The following TRMT10B variants were observed in gnomAD, a reference collection of about 807,000 sequenced individuals.
The protein encoded by TRMT10B is tRNA methyltransferase 10 homolog B.
Under a neutral mutation model 43.8 loss-of-function variants are expected in TRMT10B, and 33 were observed. That is an observed-to-expected ratio of 0.75 (90% CI 0.57 to 1.01). The LOEUF is 1.01. Among genes scored for constraint, TRMT10B ranks in the 50% least tolerant of loss-of-function variants. TRMT10B has a pLI of 0.00. For synonymous variants in TRMT10B, 137 were observed against 130.6 expected, an observed-to-expected ratio of 1.05 and a Z score of -0.34; for missense variants, 362 against 369.8, an observed-to-expected ratio of 0.98 and a Z score of 0.17.
At chr9:37,756,403 TTTTG>T (rs1476247734) in intron 1 of TRMT10B, among the ~76,000 whole-genome samples, 5 of 134,332 alleles carry the variant, frequency 3.7e-5, no homozygotes, top group Non-Finnish European at 6.6e-5. Flanking sequence ...TCTAGATATC[TTTTG>T]TTTAAAAAAA....
At chr9:37,774,862 GACTAGCTTAGA>G (rs755607806) in intron 7 of TRMT10B, among the ~76,000 whole-genome samples, 5 of 152,166 alleles carry the variant, frequency 3.3e-5, no homozygotes, top group Non-Finnish European at 5.9e-5. Flanking sequence ...AATGATACTG[GACTAGCTTAGA>G]ACAAGTTCAA....
At chr9:37,763,549 C>T in intron 3 of TRMT10B, 80 bp from the exon 4 acceptor site, 1 of 1,265,180 alleles carries the variant, frequency 7.9e-7, no homozygotes, top group Non-Finnish European at 1.1e-6. Flanking sequence ...ATGCAAAATA[C>T]CCACCTGGCT....
At chr9:37,752,906 C>T (rs1367324805), upstream of TRMT10B, among the ~76,000 whole-genome samples, 2 of 152,152 alleles carry the variant, frequency 1.3e-5, no homozygotes, top group Non-Finnish European at 2.9e-5. Flanking sequence ...GCAGCGGCAA[C>T]CCGTTGGGGT....
intron 1 of TRMT10B, among the ~76,000 whole-genome samples, chr9:37,758,707 T>C (rs193224551): frequency 6.6e-6 from 1 of 152,228 alleles, no homozygotes; most frequent in Non-Finnish European, 1.5e-5. Context: ...GAATGGGTAT[T>C]GGACTTACCT....
chr9:37,770,766 C>A, intron 7 of TRMT10B, 27 bp downstream of exon 7: 2 of 1,611,494 alleles, frequency 1.2e-6, no homozygotes, highest in Non-Finnish European at 1.7e-6. Context: ...GCCCCAACAT[C>A]TGTTTTAAAA....
upstream of TRMT10B, among the ~76,000 whole-genome samples, chr9:37,753,642 C>T (rs1323231188): frequency 1.3e-5 from 2 of 152,354 alleles, no homozygotes; most frequent in Admixed American, 6.5e-5. Context: ...AGAAGGTGGG[C>T]AACCACCACA....
chr9:37,753,545 C>T (rs976346309), upstream of TRMT10B, among the ~76,000 whole-genome samples: 2 of 152,140 alleles, frequency 1.3e-5, no homozygotes, highest in Non-Finnish European at 2.9e-5. Context: ...CCTTGACAAC[C>T]AACAGAGCAC....
intron 1 of TRMT10B, among the ~76,000 whole-genome samples, chr9:37,755,039 G>T (rs1360655645): frequency 6.6e-6 from 1 of 152,140 alleles, no homozygotes; most frequent in Non-Finnish European, 1.5e-5. Context: ...GGGAGGCCCA[G>T]ACAGGTGGGT....
At position 37,762,633 on chromosome 9, in the gene TRMT10B, C is replaced by T. The variant is rs1325523751; in HGVS notation, c.243C>T (p.Ser81=). 1 of 1,596,900 alleles carries T rather than the reference C, an allele frequency of 6.3e-7. No homozygotes were observed. Among genetic ancestry groups the T allele is most frequent in the Non-Finnish European group, 8.5e-7 (1 of 1,170,846 alleles). Reference sequence around the variant, plus strand: ...AAAAGATAGTTGCAGCAAAGAAGAGCAAAAGAAAGCAAGAAAAAGAACGAA... The same window carrying T: ...AAAAGATAGTTGCAGCAAAGAAGAGTAAAAGAAAGCAAGAAAAAGAACGAA... The part of the protein sequence containing the change: ...HWEKIVAAKK[S]KRKQEKERRK... Residue 81 remains serine (S), a synonymous_variant, in exon 3 of 9, where the codon AGC becomes AGT. Coordinates refer to ENST00000297994, the MANE Select transcript of TRMT10B (RefSeq NM_144964.4).
rs772398848 is a variant in TRMT10B at position 37,768,213 on chromosome 9, A to T, written c.558A>T (p.Gly186=). 44 of 1,612,544 alleles carry T rather than the reference A, an allele frequency of 2.7e-5. No individual in the cohort carries two copies. Among genetic ancestry groups the T allele is most frequent in the Non-Finnish European group, 3.0e-5 (35 of 1,179,128 alleles). Residue 186 remains glycine, a synonymous_variant, in exon 5 of 9, where the codon GGA becomes GGT. Transcript: ENST00000297994. ...AAGAGTGTGTGAGGATGAATGATGG[A>T]TTTTCTAGTTACCTGGTAAGTCTCT... ...LYEECVRMND[G]FSSYLLDITE...
At chr9:37,761,331 G>T (rs1056705986) in intron 1 of TRMT10B, among the ~76,000 whole-genome samples, 3 of 152,140 alleles carry the variant, frequency 2.0e-5, no homozygotes, top group Admixed American at 2.0e-4. Flanking sequence ...AAATAACTTG[G>T]TTATCTGTGT....
At chr9:37,754,824 TAAATG>T (rs1027499504) in intron 1 of TRMT10B, among the ~76,000 whole-genome samples, 5 of 152,042 alleles carry the variant, frequency 3.3e-5, no homozygotes, top group Non-Finnish European at 5.9e-5. Context: ...AAATGAAAAA[TAAATG>T]AAATCTCACT....
intron 1 of TRMT10B, among the ~76,000 whole-genome samples, chr9:37,756,987 A>G (rs1181346590): frequency 6.6e-6 from 1 of 150,528 alleles, no homozygotes; most frequent in Admixed American, 6.6e-5. Context: ...TGGGCAACAT[A>G]GCAAGACCTA....
chr9:37,776,879 A>G (rs1021298441), intron 8 of TRMT10B, among the ~76,000 whole-genome samples: 2 of 151,408 alleles, frequency 1.3e-5, no homozygotes, highest in Non-Finnish European at 2.9e-5. Flanking sequence ...AGCCTGGGTG[A>G]CAGTGATACT....
intron 1 of TRMT10B, among the ~76,000 whole-genome samples, chr9:37,760,126 G>A (rs2118734218): frequency 6.6e-6 from 1 of 152,304 alleles, no homozygotes; most frequent in African/African-American, 2.4e-5. Flanking sequence ...AGGAATTCAA[G>A]ACCAGCCTGG....
chr9:37,762,459 C>T, intron 2 of TRMT10B, 118 bp from the exon 3 acceptor site: 2 of 1,394,450 alleles, frequency 1.4e-6, no homozygotes, highest in South Asian at 1.5e-5. Flanking sequence ...AGAGTAATTT[C>T]CTCTTTCTCT....
chr9:37,771,416 A>T (rs1046537984), intron 7 of TRMT10B, among the ~76,000 whole-genome samples: 18 of 151,910 alleles, frequency 1.2e-4, no homozygotes, highest in Admixed American at 1.3e-4. Flanking sequence ...ATCACAAAGT[A>T]TGTGTTTGTG....
chr9:37,776,941 C>T (rs1589051390), intron 8 of TRMT10B, among the ~76,000 whole-genome samples: 1 of 151,036 alleles, frequency 6.6e-6, no homozygotes, highest in Non-Finnish European at 1.5e-5. Context: ...CACCTGTAAT[C>T]CCAGCACTTT....
chr9:37,755,695 A>G (rs1207018971), intron 1 of TRMT10B, among the ~76,000 whole-genome samples: 3 of 152,192 alleles, frequency 2.0e-5, no homozygotes, highest in Non-Finnish European at 4.4e-5. Flanking sequence ...TTGATTTGCA[A>G]GGTTATTGCA....
Sources: gnomAD v4.1 joint callset for allele counts (sites outside exome capture counted in the v4.1 genomes callset) on GRCh38, gnomAD v4.1.1 for gene constraint, MANE v1.5 for transcripts, NCBI Gene and HGNC (gene_info 2026-07-23, HGNC 2026-07-21) for gene names.